Variants in SATB2 observed in about 807,000 individuals in gnomAD.
SATB2 encodes SATB homeobox 2.
A neutral mutation model predicts 73.4 loss-of-function variants in SATB2; 1 was observed. The observed-to-expected ratio is 0.01, with a 90% CI of 0.00 to 0.06. SATB2 has a LOEUF of 0.06. Ranked by LOEUF, SATB2 falls within the 10% of genes least tolerant of loss-of-function variation. The pLI, the probability that SATB2 is intolerant of heterozygous loss-of-function variation, is 1.00. For synonymous variants in SATB2, 397 were observed against 367.0 expected, an observed-to-expected ratio of 1.08 and a Z score of -0.93; for missense variants, 459 against 945.8, an observed-to-expected ratio of 0.49 and a Z score of 6.75.
intron 10 of SATB2, among the ~76,000 whole-genome samples, chr2:199,295,759 T>A (rs1042749390): frequency 6.6e-6 from 1 of 152,090 alleles, no homozygotes; most frequent in African/African-American, 2.4e-5. Flanking sequence ...ATATTCTATA[T>A]CAAAAGGTGA....
chr2:199,436,558 A>G (rs887741943), intron 2 of SATB2, among the ~76,000 whole-genome samples: 4 of 152,156 alleles, frequency 2.6e-5, no homozygotes, highest in African/African-American at 9.6e-5. Flanking sequence ...GAATATCATA[A>G]AGGGCTTATT....
chr2:199,338,720 T>C (rs543025105), intron 7 of SATB2, among the ~76,000 whole-genome samples: 1 of 151,906 alleles, frequency 6.6e-6, no homozygotes, highest in Admixed American at 6.6e-5. Flanking sequence ...AATTCTAGAC[T>C]AGCCTGGGCA....
chr2:199,275,367 G>A (rs1692281657), intron 10 of SATB2, among the ~76,000 whole-genome samples: 1 of 152,140 alleles, frequency 6.6e-6, no homozygotes, highest in Non-Finnish European at 1.5e-5. Flanking sequence ...ATGAAACAGA[G>A]AAAGAACAGT....
intron 5 of SATB2, among the ~76,000 whole-genome samples, chr2:199,374,636 G>A (rs1316314326): frequency 6.6e-6 from 1 of 152,180 alleles, no homozygotes; most frequent in Non-Finnish European, 1.5e-5. Context: ...GGAGCACATT[G>A]GAAGTTGCAT....
chr2:199,428,511 T>C (rs1380584554), intron 3 of SATB2, among the ~76,000 whole-genome samples: 1 of 152,150 alleles, frequency 6.6e-6, no homozygotes, highest in African/African-American at 2.4e-5. Context: ...ACTCTAGAGA[T>C]AGATCAATGG....
At chr2:199,365,624 A>G (rs1689260820) in intron 6 of SATB2, among the ~76,000 whole-genome samples, 3 of 152,198 alleles carry the variant, frequency 2.0e-5, no homozygotes, top group Admixed American at 2.0e-4. Context: ...GTTTAGCTGA[A>G]ATAACAACAA....
intron 2 of SATB2, among the ~76,000 whole-genome samples, chr2:199,450,558 C>T (rs953218391): frequency 3.8e-4 from 57 of 151,942 alleles, no homozygotes; most frequent in Non-Finnish European, 8.8e-5. Context: ...AATGTGGGTT[C>T]TTAGTCATAA....
intron 8 of SATB2, among the ~76,000 whole-genome samples, chr2:199,327,430 G>A (rs182636960): frequency 1.3e-5 from 2 of 152,268 alleles, no homozygotes; most frequent in Admixed American, 1.3e-4. Context: ...AACAAAGTGA[G>A]ACTCCTTCTC....
chr2:199,340,942 T>C lies in SATB2; in HGVS notation c.1173+7759A>G, dbSNP rs938103312. On this transcript the variant is annotated intron_variant, in intron 7 of 10. Coordinates refer to ENST00000417098, the MANE Select transcript of SATB2 (RefSeq NM_001172509.2). Reference sequence around the variant, plus strand: ...TCTGAACATACGAATATGTAGGTCATTGGATTTTCAAATAAATTAGAGAAT... The same window carrying C: ...TCTGAACATACGAATATGTAGGTCACTGGATTTTCAAATAAATTAGAGAAT... 4.7e-5 allele frequency among the ~76,000 whole-genome samples: 7 copies of C among 148,622 alleles called. No homozygotes were observed. The East Asian group carries it at 1.2e-3, about 25-fold the overall frequency.
chr2:199,333,419 G>T (rs1688246160), intron 7 of SATB2, among the ~76,000 whole-genome samples: 1 of 152,152 alleles, frequency 6.6e-6, no homozygotes, highest in East Asian at 1.9e-4. Context: ...ATTGGAAGAG[G>T]TAAGACTTAA....
At chr2:199,295,387 C>T (rs902381262) in intron 10 of SATB2, among the ~76,000 whole-genome samples, 1 of 151,638 alleles carries the variant, frequency 6.6e-6, no homozygotes, top group African/African-American at 2.4e-5. Context: ...CTCAGTGTTT[C>T]GCTGGCAAAT....
Position 199,410,490 on chromosome 2 carries a change from G to A in SATB2, c.346+22848C>T, listed in dbSNP as rs547071407. ...AACAGGAGTACATTTGTGCCTCGTT[G>A]ATCAGAACTCCATATTTTCCAGTAT... is the stretch of plus-strand genomic sequence containing the variant. On this transcript the variant is annotated intron_variant, in intron 3 of 10. Transcript: ENST00000417098. 4.4e-4 allele frequency among the ~76,000 whole-genome samples: 67 copies of A among 152,278 alleles called. No individual in the cohort carries two copies. The South Asian group carries it at 0.012, about 27-fold the overall frequency.
At chr2:199,300,251 G>A (rs920012619) in intron 10 of SATB2, among the ~76,000 whole-genome samples, 3 of 151,706 alleles carry the variant, frequency 2.0e-5, no homozygotes, top group Non-Finnish European at 2.9e-5. Context: ...GCAACATTGA[G>A]TTGACCAATA....
At chr2:199,466,378 A>G (rs2105970042), upstream of SATB2, among the ~76,000 whole-genome samples, 1 of 151,932 alleles carries the variant, frequency 6.6e-6, no homozygotes, top group East Asian at 1.9e-4. Context: ...TTTTCTTCCC[A>G]TCTGCTCCCG....
intron 7 of SATB2, among the ~76,000 whole-genome samples, chr2:199,345,906 G>A (rs1688637461): frequency 6.6e-6 from 1 of 152,028 alleles, no homozygotes; most frequent in South Asian, 2.1e-4. Flanking sequence ...TTCAATCTGT[G>A]TCCATCCCTT....
chr2:199,413,187 T>A (rs1690874426), intron 3 of SATB2, among the ~76,000 whole-genome samples: 1 of 152,228 alleles, frequency 6.6e-6, no homozygotes, highest in African/African-American at 2.4e-5. Context: ...GTGTTTAATC[T>A]GAAAATAGTA....
At chr2:199,342,083 A>G (rs1688522085) in intron 7 of SATB2, among the ~76,000 whole-genome samples, 1 of 152,192 alleles carries the variant, frequency 6.6e-6, no homozygotes, top group Admixed American at 6.5e-5. Flanking sequence ...ATGAGCAGAG[A>G]AAATCAGTAG....
chr2:199,364,365 C>T (rs897502599), intron 6 of SATB2, among the ~76,000 whole-genome samples: 1 of 152,024 alleles, frequency 6.6e-6, no homozygotes. Flanking sequence ...CTGGCCTGGA[C>T]GTTTGATCTT....
intron 10 of SATB2, among the ~76,000 whole-genome samples, chr2:199,304,094 T>C (rs766759979): frequency 1.3e-5 from 2 of 152,156 alleles, no homozygotes; most frequent in African/African-American, 2.4e-5. Context: ...GAGGAAAGAC[T>C]GGATGCCAAA....
Sources: allele counts gnomAD v4.1 joint callset (sites outside exome capture counted in the v4.1 genomes callset), GRCh38; gene constraint gnomAD v4.1.1; transcripts MANE v1.5; gene names NCBI Gene and HGNC (gene_info 2026-07-23, HGNC 2026-07-21).